Variants in F13A1 observed in about 807,000 individuals in gnomAD.
F13A1 encodes FSF, A subunit.
F13A1 carries 47 observed loss-of-function variants against 80.1 expected under a neutral mutation model. The ratio of observed to expected loss-of-function variants is 0.59; its 90% CI spans 0.46 to 0.75. The LOEUF (loss-of-function observed/expected upper bound fraction) is 0.75. F13A1 is among the 30% of genes least tolerant of loss of function. The pLI, the probability that F13A1 is intolerant of heterozygous loss-of-function variation, is 0.00. For missense variants in F13A1, 817 were observed against 930.4 expected (o/e 0.88, Z 1.59); for synonymous variants, 349 against 344.9 (o/e 1.01, Z -0.13).
intron 4 of F13A1, among the ~76,000 whole-genome samples, chr6:6,252,417 C>G (rs562943124): frequency 6.6e-6 from 1 of 152,230 alleles, no homozygotes; most frequent in Non-Finnish European, 1.5e-5. Flanking sequence ...ACATATGTAT[C>G]TATGTATACT....
intron 6 of F13A1, among the ~76,000 whole-genome samples, chr6:6,239,414 T>C (rs949475983): frequency 6.6e-6 from 1 of 152,156 alleles, no homozygotes; most frequent in African/African-American, 2.4e-5. Flanking sequence ...TCAAAAGTCA[T>C]TGAATTGTGC....
At chr6:6,231,527 C>T (rs1270441947) in intron 6 of F13A1, among the ~76,000 whole-genome samples, 1 of 152,156 alleles carries the variant, frequency 6.6e-6, no homozygotes, top group Non-Finnish European at 1.5e-5. Flanking sequence ...AGGAATACTT[C>T]CCCGGCCTTG....
At chr6:6,220,978 G>A (rs1757185204) in intron 8 of F13A1, among the ~76,000 whole-genome samples, 1 of 152,148 alleles carries the variant, frequency 6.6e-6, no homozygotes, top group African/African-American at 2.4e-5. Context: ...ATGAAGTTCA[G>A]GCACTTCTAA....
rs1308167278 is a variant in F13A1, at chr6:6,277,272, C to G, written c.320-10463G>C. ...AATGGCGTGAACCCGGGAGGCGGAG[C>G]TTGCAGTGAGCCGAGATCCCGCCAC... On this transcript the variant is annotated intron_variant, in intron 3 of 14. Coordinates refer to ENST00000264870, the MANE Select transcript of F13A1 (RefSeq NM_000129.4). Among the ~76,000 whole-genome samples the G allele has an allele frequency of 7.9e-5, 4 of 50,774 alleles. 2 individuals are homozygous for G. The East Asian group carries it at 1.6e-3, about 20-fold the overall frequency. The allele number at this position is 50,774 out of a possible 152,430, so 33.3% of individuals were successfully genotyped here. A position where few individuals can be genotyped will look rare whatever the true frequency, so the allele number is the denominator to read the frequency against.
At chr6:6,176,938 A>G (rs573766785) in intron 11 of F13A1, among the ~76,000 whole-genome samples, 63 of 152,306 alleles carry the variant, frequency 4.1e-4, no homozygotes, top group Non-Finnish European at 7.6e-4. Context: ...CTGGGGAAGC[A>G]CTGTCCTCTG....
At position 6,243,890 on chromosome 6, in the gene F13A1, A is replaced by T. The variant is rs1757519899; in HGVS notation, c.798+4422T>A. Among the ~76,000 whole-genome samples, 1 of 152,236 alleles carries T rather than the reference A, an allele frequency of 6.6e-6. No homozygotes were observed. Among genetic ancestry groups the T allele is most frequent in the Non-Finnish European group, 1.5e-5 (1 of 68,038 alleles). On this transcript the variant is annotated intron_variant, in intron 6 of 14. Coordinates refer to ENST00000264870, the MANE Select transcript of F13A1 (RefSeq NM_000129.4). The surrounding 1 kb of genome is among the most constrained non-coding windows in gnomAD (Gnocchi z 4.2). Reference sequence around the variant, plus strand: ...TGAATAACGAGCCTTTATCTGCAGTAGCGGCAGCCTTTGCAGAAGCAGCTG... The same window carrying T: ...TGAATAACGAGCCTTTATCTGCAGTTGCGGCAGCCTTTGCAGAAGCAGCTG...
chr6:6,300,819 TG>T (rs1185938993), intron 3 of F13A1, among the ~76,000 whole-genome samples: 7 of 120,416 alleles, frequency 5.8e-5, no homozygotes, highest in Admixed American at 2.3e-4. Context: ...TATTCTCGTC[TG>T]TTTTTTTTTT....
intron 3 of F13A1, among the ~76,000 whole-genome samples, chr6:6,272,640 A>C (rs2113131700): frequency 6.6e-6 from 1 of 152,248 alleles, no homozygotes; most frequent in Non-Finnish European, 1.5e-5. Flanking sequence ...AACCTTTTTA[A>C]ATCAACTGCA....
At chr6:6,319,848 A>G (rs1442174039) in intron 1 of F13A1, among the ~76,000 whole-genome samples, 1 of 152,210 alleles carries the variant, frequency 6.6e-6, no homozygotes, top group African/African-American at 2.4e-5. Context: ...ATAAGTATAG[A>G]TAAATATATT....
At chr6:6,271,788 C>A (rs187179632) in intron 3 of F13A1, among the ~76,000 whole-genome samples, 16 of 152,322 alleles carry the variant, frequency 1.1e-4, no homozygotes, top group African/African-American at 3.8e-4. Flanking sequence ...ATTGAGGCCA[C>A]AAAACTAATG....
At position 6,310,646 on chromosome 6, in the gene F13A1, T is replaced by A. The variant is rs148021248; in HGVS notation, c.131-5107A>T. Among the ~76,000 whole-genome samples the A allele has an allele frequency of 3.3e-5, 5 of 152,314 alleles. No homozygotes were observed. In the East Asian group the frequency reaches 9.6e-4, roughly 29 times the overall value. On this transcript the variant is annotated intron_variant, in intron 2 of 14. Transcript: ENST00000264870. ...ACCTTGGCAAGTTACATAAATGTCCTGTGCCTCAGTTTTCTCATCTGCAAA... is the reference window on the plus strand; with the variant it reads ...ACCTTGGCAAGTTACATAAATGTCCAGTGCCTCAGTTTTCTCATCTGCAAA...
chr6:6,164,800 G>GTTCTCTCCTCTCCCCTCTGTTC, intron 13 of F13A1, among the ~76,000 whole-genome samples: 1 of 108,102 alleles, frequency 9.3e-6, no homozygotes, highest in South Asian at 2.9e-4. Context: ...TTTCTCCTCT[G>GTTCTCTCCTCTCCCCTCTGTTC]TTCTCTCCTC....
At chr6:6,315,964 T>C (rs1297465401) in intron 2 of F13A1, among the ~76,000 whole-genome samples, 3 of 150,382 alleles carry the variant, frequency 2.0e-5, no homozygotes, top group Non-Finnish European at 1.5e-5. Context: ...AAACTTGATA[T>C]ATAGTGCCAG....
intron 8 of F13A1, among the ~76,000 whole-genome samples, chr6:6,200,622 C>T (rs529154634): frequency 6.6e-5 from 10 of 150,896 alleles, no homozygotes; most frequent in Non-Finnish European, 1.2e-4. Flanking sequence ...GCATGTAATG[C>T]AATGCAGGGA....
At chr6:6,195,545 C>CT (rs1232238976) in intron 10 of F13A1, among the ~76,000 whole-genome samples, 1 of 152,164 alleles carries the variant, frequency 6.6e-6, no homozygotes, top group East Asian at 1.9e-4. Flanking sequence ...GTGCAGAGAA[C>CT]TAAGCTAATG....
At chr6:6,163,774 T>TA (rs1430325566) in intron 13 of F13A1, among the ~76,000 whole-genome samples, 1 of 152,190 alleles carries the variant, frequency 6.6e-6, no homozygotes, top group African/African-American at 2.4e-5. Context: ...GCAATAAACA[T>TA]ATATGTGCAT....
intron 12 of F13A1, among the ~76,000 whole-genome samples, chr6:6,170,668 G>A (rs751123100): frequency 1.3e-5 from 2 of 152,088 alleles, no homozygotes; most frequent in Non-Finnish European, 2.9e-5. Flanking sequence ...TTGAAGGTAC[G>A]GAGAGGTTTA....
At chr6:6,195,183 T>TAG (rs1354561962) in intron 10 of F13A1, among the ~76,000 whole-genome samples, 2 of 152,256 alleles carry the variant, frequency 1.3e-5, no homozygotes, top group Admixed American at 6.5e-5. Context: ...AGTCCCTGCC[T>TAG]AGTTCTTCTG....
At chr6:6,177,734 G>A (rs1252429055) in intron 11 of F13A1, among the ~76,000 whole-genome samples, 1 of 152,202 alleles carries the variant, frequency 6.6e-6, no homozygotes, top group Non-Finnish European at 1.5e-5. Flanking sequence ...TCCCTCACTG[G>A]TGCAGAAGGA....
Sources: allele counts gnomAD v4.1 joint callset (sites outside exome capture counted in the v4.1 genomes callset), GRCh38; gene constraint gnomAD v4.1.1; non-coding constraint Gnocchi (gnomAD v3.1); transcripts MANE v1.5; gene names NCBI Gene and HGNC (gene_info 2026-07-23, HGNC 2026-07-21).